The following ARHGEF10L variants were observed in gnomAD, a reference collection of about 807,000 sequenced individuals.
ARHGEF10L encodes the protein rho guanine nucleotide exchange factor 10-like protein.
A neutral mutation model predicts 141.2 loss-of-function variants in ARHGEF10L; 69 were observed. The observed-to-expected ratio is 0.49, with a 90% CI of 0.40 to 0.60. The LOEUF is 0.60. Ranked by LOEUF, ARHGEF10L falls within the 20% of genes least tolerant of loss-of-function variation. The pLI is 0.00. For missense variants in ARHGEF10L, 1,482 were observed against 1,734.3 expected, an observed-to-expected ratio of 0.85 and a Z score of 2.58; for synonymous variants, 711 against 718.5, an observed-to-expected ratio of 0.99 and a Z score of 0.17.
chr1:17,681,222 T>C (rs1007958679), intron 26 of ARHGEF10L, among the ~76,000 whole-genome samples: 1 of 152,226 alleles, frequency 6.6e-6, no homozygotes, highest in African/African-American at 2.4e-5. Flanking sequence ...CACCCACTTT[T>C]AAAAAAGTCA....
intron 26 of ARHGEF10L, among the ~76,000 whole-genome samples, chr1:17,665,923 G>A (rs1260899719): frequency 6.6e-6 from 1 of 152,170 alleles, no homozygotes; most frequent in Non-Finnish European, 1.5e-5. Context: ...GAACCTGTGA[G>A]CCGGTGGTGT....
intron 4 of ARHGEF10L, among the ~76,000 whole-genome samples, chr1:17,597,704 A>G (rs2080247314): frequency 6.6e-6 from 1 of 152,140 alleles, no homozygotes; most frequent in South Asian, 2.1e-4. Context: ...TGACTTGGGT[A>G]GTGGGGGTGG....
intron 15 of ARHGEF10L, among the ~76,000 whole-genome samples, chr1:17,630,314 G>A (rs2060607059): frequency 6.6e-6 from 1 of 152,200 alleles, no homozygotes; most frequent in African/African-American, 2.4e-5. Context: ...TTTTCTTTTT[G>A]TTGGTTTTCA....
intron 25 of ARHGEF10L, among the ~76,000 whole-genome samples, chr1:17,660,138 T>C (rs934306243): frequency 6.6e-6 from 1 of 152,240 alleles, no homozygotes; most frequent in Non-Finnish European, 1.5e-5. Flanking sequence ...AGCCGGCCAC[T>C]GTCCTTGCTG....
chr1:17,670,535 G>T (rs2063258351), intron 26 of ARHGEF10L, among the ~76,000 whole-genome samples: 2 of 150,824 alleles, frequency 1.3e-5, no homozygotes, highest in Admixed American at 6.6e-5. Flanking sequence ...AAAACTTATT[G>T]GGAACAGGCT....
intron 26 of ARHGEF10L, among the ~76,000 whole-genome samples, chr1:17,683,863 A>G (rs2064343626): frequency 6.6e-6 from 1 of 152,208 alleles, no homozygotes; most frequent in African/African-American, 2.4e-5. Context: ...CTGCAGATTC[A>G]GGTGCAGCTT....
chr1:17,676,652 A>G (rs2102359958), intron 26 of ARHGEF10L, among the ~76,000 whole-genome samples: 1 of 152,074 alleles, frequency 6.6e-6, no homozygotes, highest in Admixed American at 6.5e-5. Context: ...CAAAGCTCCT[A>G]TCACATCTGA....
At chr1:17,674,913 C>T (rs530365129) in intron 26 of ARHGEF10L, among the ~76,000 whole-genome samples, 2 of 152,272 alleles carry the variant, frequency 1.3e-5, no homozygotes, top group Admixed American at 6.5e-5. Context: ...GCTTTACCGC[C>T]TAGATCTGTG....
At chr1:17,645,205 C>A (rs1224205647) in intron 21 of ARHGEF10L, among the ~76,000 whole-genome samples, 1 of 152,228 alleles carries the variant, frequency 6.6e-6, no homozygotes, top group African/African-American at 2.4e-5. Flanking sequence ...GTCACTTATC[C>A]CAAGCGGGCT....
chr1:17,653,459 A>G (rs2062048960), intron 22 of ARHGEF10L, among the ~76,000 whole-genome samples: 1 of 152,210 alleles, frequency 6.6e-6, no homozygotes, highest in Admixed American at 6.5e-5. Context: ...TGCCATGGAA[A>G]TGCCTCAGCA....
chr1:17,631,003 G>GTCCTTTTCTC, intron 15 of ARHGEF10L, among the ~76,000 whole-genome samples: 1 of 146,084 alleles, frequency 6.8e-6, no homozygotes, highest in Non-Finnish European at 1.5e-5. Flanking sequence ...GTCCTTTTCT[G>GTCCTTTTCTC]TCCTGGGGAT....
At chr1:17,689,263 C>T (rs2064867182) in intron 27 of ARHGEF10L, among the ~76,000 whole-genome samples, 1 of 151,974 alleles carries the variant, frequency 6.6e-6, no homozygotes, top group Admixed American at 6.6e-5. Flanking sequence ...CGGAGCCCCT[C>T]ATCCCTCTGT....
At chr1:17,686,521 G>C (rs58554405) in intron 26 of ARHGEF10L, among the ~76,000 whole-genome samples, 1 of 152,196 alleles carries the variant, frequency 6.6e-6, no homozygotes, top group Non-Finnish European at 1.5e-5. Flanking sequence ...GGTCCGTGGC[G>C]GGGTGGGGCC....
intron 3 of ARHGEF10L, 78 bp downstream of exon 3, chr1:17,587,723 G>A (rs2079145916): frequency 1.4e-6 from 2 of 1,472,634 alleles, no homozygotes; most frequent in Non-Finnish European, 1.8e-6. Context: ...AGGCTCTCAG[G>A]GATGCCTGGT....
chr1:17,596,635 T>C (rs2080132579), intron 4 of ARHGEF10L, among the ~76,000 whole-genome samples: 1 of 152,236 alleles, frequency 6.6e-6, no homozygotes, highest in Non-Finnish European at 1.5e-5. Context: ...ACCACCCACA[T>C]GGTGCAGCCT....
intron 26 of ARHGEF10L, among the ~76,000 whole-genome samples, chr1:17,675,023 G>A (rs573566327): frequency 6.6e-6 from 1 of 152,166 alleles, no homozygotes; most frequent in Non-Finnish European, 1.5e-5. Context: ...TATCATATAA[G>A]TTCTTGACTG....
rs1557886368 is a variant in ARHGEF10L at position 17,635,028 on chromosome 1, CT to C, written c.1927+13del. On this transcript the variant is annotated intron_variant, in intron 18 of 28. Transcript: ENST00000361221. ...AGGGCAGGCTCAGAGTGAGTACCCC[CT>C]CTCTGTGCCCTGCGTTCGTCACCCT... The C allele has an allele frequency of 5.0e-6, 8 of 1,613,624 alleles. No homozygotes were observed. The highest frequency in any genetic ancestry group is 1.1e-5 in the South Asian group (1 of 91,056).
At chr1:17,669,328 C>G (rs1281408850) in intron 26 of ARHGEF10L, among the ~76,000 whole-genome samples, 1 of 152,190 alleles carries the variant, frequency 6.6e-6, no homozygotes, top group Non-Finnish European at 1.5e-5. Context: ...TCTGACTCCT[C>G]CCACCCTCGG....
chr1:17,556,554 G>A (rs1011172033), intron 1 of ARHGEF10L, among the ~76,000 whole-genome samples: 4 of 152,198 alleles, frequency 2.6e-5, no homozygotes, highest in African/African-American at 9.7e-5. Context: ...GTCCACCAAG[G>A]CTTGCCCCAT....
Sources: gnomAD v4.1 joint callset for allele counts (sites outside exome capture counted in the v4.1 genomes callset) on GRCh38, gnomAD v4.1.1 for gene constraint, MANE v1.5 for transcripts, NCBI Gene and HGNC (gene_info 2026-07-23, HGNC 2026-07-21) for gene names.